SEPHS1: variants seen among roughly 807,000 people sequenced by gnomAD.
SEPHS1 encodes zincore component SEPHS1.
In SEPHS1, 7 loss-of-function variants were observed where a neutral mutation model predicts 39.2. That is an observed-to-expected ratio of 0.18 (90% CI 0.10 to 0.34). The LOEUF (loss-of-function observed/expected upper bound fraction) is 0.34, where lower values mean the gene tolerates loss of function less well. SEPHS1 is among the 10% of genes least tolerant of loss of function. The pLI is 1.00. For missense variants in SEPHS1, 253 were observed against 514.5 expected (o/e 0.49, Z 4.92); for synonymous variants, 190 against 195.5 (o/e 0.97, Z 0.23).
intron 7 of SEPHS1, among the ~76,000 whole-genome samples, chr10:13,325,056 C>T (rs1588534406): frequency 6.6e-6 from 1 of 152,030 alleles, no homozygotes; most frequent in Admixed American, 6.6e-5. Flanking sequence ...ATTTTGGATA[C>T]CTGACCTTGA....
rs1833161645 is a variant in SEPHS1, at chr10:13,323,063, G to A, written c.752-16C>T. The A allele has an allele frequency of 6.2e-7, 1 of 1,611,204 alleles. No homozygotes were observed. The highest frequency in any genetic ancestry group is 2.2e-5 in the East Asian group (1 of 44,840). ...AGTCCTGCAGCTGGGAGAGAGAGGG[G>A]GCGGCTCTGAGAAAAAACACCTTTC... On this transcript the variant is annotated splice_polypyrimidine_tract_variant and intron_variant, in intron 7 of 8. Transcript: ENST00000327347.
intron 1 of SEPHS1, chr10:13,347,192 T>C (rs888774479): frequency 6.6e-6 from 1 of 152,050 alleles, no homozygotes. Flanking sequence ...GTTTGGTTTT[T>C]TTTTTTCTTC....
At chr10:13,324,755 C>T (rs1045700220) in intron 7 of SEPHS1, among the ~76,000 whole-genome samples, 5 of 152,214 alleles carry the variant, frequency 3.3e-5, no homozygotes, top group Admixed American at 6.5e-5. Flanking sequence ...GGGACTAAGG[C>T]GCAAGCCACC....
At chr10:13,319,390 T>A (rs768322369) in intron 8 of SEPHS1, 34 bp from the exon 9 acceptor site, 1 of 1,604,754 alleles carries the variant, frequency 6.2e-7, no homozygotes. Flanking sequence ...CTGTTAGTGT[T>A]GACATGACAG....
chr10:13,336,685 G>A lies in SEPHS1; in HGVS notation c.298-335C>T, dbSNP rs775972672. On this transcript the variant is annotated intron_variant, in intron 3 of 8. Coordinates refer to ENST00000327347, the MANE Select transcript of SEPHS1 (RefSeq NM_012247.5). ...TATGTGCAGCGAATGAGGAGGAGAA[G>A]CAAGTTTAGAACCGACAGTCTTGGG... Among the ~76,000 whole-genome samples, 12 of 152,204 alleles carry A rather than the reference G, an allele frequency of 7.9e-5. 1 individual carries two copies. Among genetic ancestry groups the A allele is most frequent in the Admixed American group, 2.0e-4 (3 of 15,282 alleles).
At position 13,318,144 on chromosome 10, in the gene SEPHS1, G is replaced by T. The variant is rs183923562; in HGVS notation, c.*998C>A. Reference sequence around the variant, plus strand: ...TTCGAGCTGCAATGTTGGCAATGCAGGTTTTTAACACAGATCACAAAAAGC... The same window carrying T: ...TTCGAGCTGCAATGTTGGCAATGCATGTTTTTAACACAGATCACAAAAAGC... On this transcript the variant is annotated 3_prime_UTR_variant, in exon 9 of 9. Coordinates refer to ENST00000327347, the MANE Select transcript of SEPHS1 (RefSeq NM_012247.5). The T allele has an allele frequency of 1.9e-4, 29 of 152,584 alleles. No individual in the cohort carries two copies. Among genetic ancestry groups the T allele is most frequent in the Admixed American group, 1.8e-3 (28 of 15,284 alleles). The allele number at this position is 152,584 out of a possible 1,614,324, so 9.5% of individuals were successfully genotyped here.
At chr10:13,324,490 G>C (rs181480750) in intron 7 of SEPHS1, among the ~76,000 whole-genome samples, 194 of 152,298 alleles carry the variant, frequency 1.3e-3, no homozygotes, top group Admixed American at 3.8e-3. Context: ...AACATATTTA[G>C]TTTCATAAGA....
At chr10:13,346,780 A>C (rs1403929643) in intron 1 of SEPHS1, among the ~76,000 whole-genome samples, 1 of 152,120 alleles carries the variant, frequency 6.6e-6, no homozygotes, top group Non-Finnish European at 1.5e-5. Flanking sequence ...CCTACCTCCT[A>C]TCTATTCCTC....
rs574387559 is a variant in SEPHS1, at chr10:13,339,126, G to A, written c.194-318C>T. ...TATTATTTTACTGTATTACTGTAGC[G>A]TGTGACTGGTACCGTATACAATTTC... On this transcript the variant is annotated intron_variant, in intron 2 of 8. Coordinates refer to ENST00000327347, the MANE Select transcript of SEPHS1 (RefSeq NM_012247.5). Among the ~76,000 whole-genome samples, 13 of 152,150 alleles carry A rather than the reference G, an allele frequency of 8.5e-5. No homozygotes were observed. In the South Asian group the frequency reaches 1.9e-3, roughly 22 times the overall value.
Position 13,319,339 on chromosome 10 carries a change from A to C in SEPHS1, c.982T>G (p.Leu328Val). 2 of 1,612,952 alleles carry C rather than the reference A, an allele frequency of 1.2e-6. No individual in the cohort carries two copies. The change falls in exon 9 of 9, where the codon TTA becomes GTA. Residue 328 changes from leucine to valine, a missense_variant. Leu to Val is a conservative substitution (Grantham distance 32, BLOSUM62 1). Around this residue, in one of 4 missense-constraint regions of SEPHS1, gnomAD observed 107 missense variants for 257.1 expected, o/e 0.42. Transcript: ENST00000327347. Reference protein sequence around the residue: ...PETSGGLLICLPREQAARFCA... With the variant: ...PETSGGLLICVPREQAARFCA... ...AACCGAGCTGCTTGCTCACGTGGTA[A>C]ACAGATCAGAAGGCCGCCTGGCAAA... is the stretch of plus-strand genomic sequence containing the variant.
At position 13,338,708 on chromosome 10, in the gene SEPHS1, C is replaced by A; in HGVS notation, c.294G>T (p.Met98Ile). The change falls in exon 3 of 9, where the codon ATG becomes ATT. Residue 98 changes from methionine (M) to isoleucine (I), a missense_variant. By Grantham distance (10) the Met-to-Ile change is conservative. This residue lies in a region of SEPHS1 where 123 missense variants were observed against 196.8 expected (regional missense o/e 0.62). Coordinates refer to ENST00000327347, the MANE Select transcript of SEPHS1 (RefSeq NM_012247.5). ...YIYPIVDDPY[M>I]MGRIACANVL... Reference sequence around the variant, plus strand: ...AAACACATCGGCTCACGCTTACCATCATGTAAGGGTCGTCTACGATCGGGT... The same window carrying A: ...AAACACATCGGCTCACGCTTACCATAATGTAAGGGTCGTCTACGATCGGGT... 1 of 1,612,280 alleles carries A rather than the reference C, an allele frequency of 6.2e-7. No individual in the cohort carries two copies.
chr10:13,344,354 A>G (rs74120579), intron 2 of SEPHS1, among the ~76,000 whole-genome samples: 4,107 of 152,216 alleles, frequency 0.027, 162 homozygotes, highest in African/African-American at 0.091. Flanking sequence ...TGAAAATAAA[A>G]ATTAAAAAGT....
intron 2 of SEPHS1, among the ~76,000 whole-genome samples, chr10:13,342,846 C>T (rs1272224735): frequency 1.3e-5 from 2 of 151,974 alleles, no homozygotes; most frequent in African/African-American, 4.8e-5. Context: ...AGGGATCCTC[C>T]CACCTCAGCC....
intron 8 of SEPHS1, among the ~76,000 whole-genome samples, chr10:13,320,784 C>T (rs971711128): frequency 5.3e-5 from 8 of 151,968 alleles, no homozygotes; most frequent in South Asian, 2.1e-4. Context: ...GCTGAGATCG[C>T]GCCATTGCAC....
intron 8 of SEPHS1, chr10:13,321,962 A>G (rs1273828331): frequency 4.7e-6 from 2 of 421,650 alleles, no homozygotes; most frequent in Non-Finnish European, 9.3e-6. Flanking sequence ...ACTGGGGCGT[A>G]TGGTGTCAGA....
intron 8 of SEPHS1, 95 bp downstream of exon 8, chr10:13,322,740 G>T (rs1427520130): frequency 1.7e-6 from 2 of 1,192,306 alleles, no homozygotes; most frequent in Non-Finnish European, 1.2e-6. Flanking sequence ...AACTCGAACA[G>T]AGTGGGGGCC....
intron 2 of SEPHS1, among the ~76,000 whole-genome samples, chr10:13,342,443 G>A (rs1448151160): frequency 1.3e-5 from 2 of 151,828 alleles, no homozygotes; most frequent in Non-Finnish European, 2.9e-5. Flanking sequence ...ATTTAGCTGG[G>A]TGTGGTGGCA....
intron 5 of SEPHS1, among the ~76,000 whole-genome samples, chr10:13,330,564 C>T (rs1833431840): frequency 6.6e-6 from 1 of 152,156 alleles, no homozygotes; most frequent in Admixed American, 6.5e-5. Flanking sequence ...CCTTTCGCAG[C>T]TTCAGCAGCT....
chr10:13,347,717 C>A (rs1833969310), intron 1 of SEPHS1, among the ~76,000 whole-genome samples: 1 of 146,962 alleles, frequency 6.8e-6, no homozygotes, highest in Non-Finnish European at 1.5e-5. Flanking sequence ...TTAACCCCTG[C>A]GTGGCCGCCG....
Sources: gnomAD v4.1 joint callset for allele counts (sites outside exome capture counted in the v4.1 genomes callset) on GRCh38, gnomAD v4.1.1 for gene constraint, gnomAD v4.1.1 regional missense constraint, MANE v1.5 for transcripts, NCBI Gene and HGNC (gene_info 2026-07-23, HGNC 2026-07-21) for gene names.